SET: variants seen among roughly 807,000 people sequenced by gnomAD.
The protein encoded by SET is protein SET.
A neutral mutation model predicts 39.0 loss-of-function variants in SET; 4 were observed. The observed-to-expected ratio is 0.10, with a 90% CI of 0.05 to 0.23. The LOEUF is 0.23. Among genes scored for constraint, SET ranks in the 10% least tolerant of loss-of-function variants. The probability of loss-of-function intolerance (pLI) is 1.00; values close to 1 mark genes in which losing one functional copy is unlikely to be tolerated. For missense variants in SET, 137 were observed against 329.7 expected, an observed-to-expected ratio of 0.42 and a Z score of 4.53; for synonymous variants, 114 against 115.9, an observed-to-expected ratio of 0.98 and a Z score of 0.11.
At chr9:128,694,115 T>TATAG in intron 7 of SET, 73 bp downstream of exon 7, 1 of 1,320,246 alleles carries the variant, frequency 7.6e-7, no homozygotes, top group Non-Finnish European at 1.0e-6. Context: ...TGTATATATA[T>TATAG]ATATATAGTG....
upstream of SET, among the ~76,000 whole-genome samples, chr9:128,688,167 C>G (rs1481659022): frequency 1.3e-5 from 2 of 152,124 alleles, no homozygotes; most frequent in Non-Finnish European, 1.5e-5. Context: ...GCCAAGATTG[C>G]GCCACTGCAC....
chr9:128,691,784 C>A, intron 2 of SET, 74 bp from the exon 3 acceptor site: 2 of 1,406,356 alleles, frequency 1.4e-6, no homozygotes, highest in Non-Finnish European at 9.7e-7. Flanking sequence ...TAAGTAAATA[C>A]ACTCTGTAAT....
At chr9:128,692,500 AAGAT>A in intron 3 of SET, 158 bp from the exon 4 acceptor site, 1 of 561,698 alleles carries the variant, frequency 1.8e-6, no homozygotes, top group Non-Finnish European at 3.2e-6. Flanking sequence ...TGCTTGATGA[AAGAT>A]AGTGACAGTC....
intron 3 of SET, 140 bp downstream of exon 3, chr9:128,692,140 A>C: frequency 9.8e-7 from 1 of 1,015,514 alleles, no homozygotes; most frequent in Non-Finnish European, 1.4e-6. Flanking sequence ...TAATCCCAGC[A>C]CTTTGGGAGG....
In SET at chr9:128,694,734, CTTTTTTTTTTTT is replaced by C. The variant is rs35778650; in HGVS notation, c.*83_*94del. 4.3e-5 allele frequency: 13 copies of C among 304,048 alleles called. No homozygotes were observed. Among genetic ancestry groups the C allele is most frequent in the African/African-American group, 2.2e-4 (5 of 22,576 alleles). The allele number at this position is 304,048 out of a possible 1,614,324, so 18.8% of individuals were successfully genotyped here. ...CCAGTCCCTGGGAGCAAGTTGCAGT[CTTTTTTTTTTTT>C]TTTTTTTTTTTTCCCTCTTGTGCTC... On this transcript the variant is annotated 3_prime_UTR_variant, in exon 8 of 8. Transcript: ENST00000322030.
Position 128,689,629 on chromosome 9 carries a change from A to T in SET, c.47A>T (p.Asn16Ile). 1 of 1,350,116 alleles carries T rather than the reference A, an allele frequency of 7.4e-7. No homozygotes were observed. The highest frequency in any genetic ancestry group is 9.7e-7 in the Non-Finnish European group (1 of 1,028,658). The allele number at this position is 1,350,116 out of a possible 1,614,324, so 83.6% of individuals were successfully genotyped here. ...AKVSKKELNS[N>I]HDGADETSEK... ...GTCAGTAAAAAGGAGCTCAACTCCA[A>T]CCACGACGGGGCCGACGAGACCTCA... Residue 16 changes from asparagine (N) to isoleucine (I), a missense_variant, in exon 1 of 8, where the codon AAC becomes ATC. Physicochemically the swap from Asn to Ile is moderately radical, Grantham distance 149. Around this residue, in one of 3 missense-constraint regions of SET, gnomAD observed 34 missense variants for 29.5 expected, o/e 1.15. Coordinates refer to ENST00000322030, the MANE Select transcript of SET (RefSeq NM_003011.4).
chr9:128,689,164 C>G (rs1324363981), upstream of SET: 2 of 670,456 alleles, frequency 3.0e-6, no homozygotes, highest in Non-Finnish European at 3.7e-6. Context: ...GCGCGAGCCT[C>G]CCCGGCCGGA....
Position 128,695,168 on chromosome 9 carries a change from A to T in SET, c.*504A>T, listed in dbSNP as rs1861688697. 1 of 223,948 alleles carries T rather than the reference A, an allele frequency of 4.5e-6. No homozygotes were observed. The highest frequency in any genetic ancestry group is 9.0e-6 in the Non-Finnish European group (1 of 111,398). 13.9% of individuals were successfully genotyped at this position (223,948 alleles called of 1,614,324 possible). The stretch of plus-strand genomic sequence containing the variant: ...AAAAAAAGAAAAAAAAACTTAAAAA[A>T]ATGGGGTTATAGAAGGTCAGCAAAG... On this transcript the variant is annotated 3_prime_UTR_variant, in exon 8 of 8. Transcript: ENST00000322030.
upstream of SET, chr9:128,689,197 T>A (rs975941240): frequency 2.1e-6 from 2 of 944,404 alleles, no homozygotes; most frequent in African/African-American, 3.6e-5. Context: ...GCGCGGGGCC[T>A]GGCGCGCCTG....
upstream of SET, among the ~76,000 whole-genome samples, chr9:128,684,840 C>T (rs974405789): frequency 5.3e-5 from 8 of 152,154 alleles, no homozygotes; most frequent in Non-Finnish European, 7.3e-5. Context: ...GCTGCCTCAC[C>T]CTCTTGTCAT....
chr9:128,690,211 A>T (rs1861472697), intron 1 of SET: 1 of 153,332 alleles, frequency 6.5e-6, no homozygotes, highest in Non-Finnish European at 1.4e-5. Flanking sequence ...GCCGGCCGGG[A>T]GGATGCTCTG....
At chr9:128,689,951 TC>T in intron 1 of SET, 1 of 71,764 alleles carries the variant, frequency 1.4e-5, no homozygotes, top group Non-Finnish European at 2.2e-5. Flanking sequence ...TCCCCCTCCC[TC>T]CCTCCCGAGA....
chr9:128,694,082 A>G, intron 7 of SET, 40 bp downstream of exon 7: 1 of 1,448,862 alleles, frequency 6.9e-7, no homozygotes, highest in Non-Finnish European at 9.2e-7. Flanking sequence ...GATAACTTTT[A>G]AAGAATTCAT....
At chr9:128,693,278 T>C (rs1020242485) in intron 5 of SET, among the ~76,000 whole-genome samples, 1 of 152,190 alleles carries the variant, frequency 6.6e-6, no homozygotes, top group Admixed American at 6.5e-5. Context: ...AATTGAGAAC[T>C]GGACTAAATT....
chr9:128,695,270 A>G lies in SET; in HGVS notation c.*606A>G, dbSNP rs191018343. The G allele has an allele frequency of 4.1e-3, 908 of 222,750 alleles. No individual in the cohort carries two copies. Among genetic ancestry groups the G allele is most frequent in the African/African-American group, 0.017 (749 of 44,808 alleles). 13.8% of individuals were successfully genotyped at this position (222,750 alleles called of 1,614,324 possible). On this transcript the variant is annotated 3_prime_UTR_variant, in exon 8 of 8. Transcript: ENST00000322030. The stretch of plus-strand genomic sequence containing the variant: ...TTCTCCTTTGGCATGTTTAATTGTG[A>G]TATTTGACAGACATCCTTGCAGTTT...
At chr9:128,685,981 C>T (rs538925766), upstream of SET, among the ~76,000 whole-genome samples, 5 of 151,572 alleles carry the variant, frequency 3.3e-5, no homozygotes, top group South Asian at 2.1e-4. Flanking sequence ...GAGCCGAGTT[C>T]GTGCCATTGC....
intron 5 of SET, 24 bp downstream of exon 5, chr9:128,693,005 CA>C (rs750691019): frequency 2.2e-5 from 32 of 1,453,444 alleles, no homozygotes; most frequent in Non-Finnish European, 3.1e-5. Context: ...AATTATTTGA[CA>C]AAAATAGCAT....
chr9:128,694,097 T>C (rs933141800), intron 7 of SET, 55 bp downstream of exon 7: 7 of 1,334,346 alleles, frequency 5.2e-6, no homozygotes, highest in Non-Finnish European at 5.9e-6. Flanking sequence ...ATTCATGTTA[T>C]TTTGGGGTGT....
rs1861732411 is a variant in SET, at chr9:128,696,167, T to C, written c.*1503T>C. ...ATGCTGTAAAATATAGTCGCTGAAATTAAATGCCACTTTTTCAGAGGTGAA... is the reference window on the plus strand; with the variant it reads ...ATGCTGTAAAATATAGTCGCTGAAACTAAATGCCACTTTTTCAGAGGTGAA... On this transcript the variant is annotated 3_prime_UTR_variant, in exon 8 of 8. Coordinates refer to ENST00000322030, the MANE Select transcript of SET (RefSeq NM_003011.4). 1 of 213,574 alleles carries C rather than the reference T, an allele frequency of 4.7e-6. No individual in the cohort carries two copies. 13.2% of individuals were successfully genotyped at this position (213,574 alleles called of 1,614,324 possible). A position where few individuals can be genotyped will look rare whatever the true frequency, so the allele number is the denominator to read the frequency against.
Sources: gnomAD v4.1 joint callset for allele counts (sites outside exome capture counted in the v4.1 genomes callset) on GRCh38, gnomAD v4.1.1 for gene constraint, gnomAD v4.1.1 regional missense constraint, MANE v1.5 for transcripts, NCBI Gene and HGNC (gene_info 2026-07-23, HGNC 2026-07-21) for gene names.